GRIP1: variants seen among roughly 807,000 people sequenced by gnomAD.
The protein encoded by GRIP1 is glutamate receptor interacting protein 1, also known as glutamate receptor-interacting protein 1.
A neutral mutation model predicts 129.9 loss-of-function variants in GRIP1; 45 were observed. That is an observed-to-expected ratio of 0.35 (90% confidence interval 0.27 to 0.44). The LOEUF (loss-of-function observed/expected upper bound fraction) is 0.44. Ranked by LOEUF, GRIP1 falls within the 20% of genes least tolerant of loss-of-function variation. The pLI is 1.00. For missense variants in GRIP1, 1,196 were observed against 1,396.8 expected, an observed-to-expected ratio of 0.86 and a Z score of 2.29; for synonymous variants, 530 against 520.8, an observed-to-expected ratio of 1.02 and a Z score of -0.24.
In GRIP1 at chr12:66,370,296, C is replaced by T. The variant is rs574284802; in HGVS notation, c.3012+1398G>A. Among the ~76,000 whole-genome samples, 9 of 152,306 alleles carry T rather than the reference C, an allele frequency of 5.9e-5. No individual in the cohort carries two copies. In the South Asian group the frequency reaches 1.7e-3, roughly 28 times the overall value. On this transcript the variant is annotated intron_variant, in intron 23 of 24. Coordinates refer to ENST00000359742, the MANE Select transcript of GRIP1 (RefSeq NM_001366722.1). ...CCCAGGCAGTCTCCTCATTAGACTC[C>T]GTACTCCCTGGGGAGTTGTAATACG...
chr12:66,589,195 TCTC>T (rs1332959731), intron 2 of GRIP1, among the ~76,000 whole-genome samples: 1 of 5,498 alleles, frequency 1.8e-4, no homozygotes, highest in Admixed American at 1.5e-3. Flanking sequence ...TCCCCCACCT[TCTC>T]TCTCTCTCTC....
chr12:66,579,426 T>C (rs1456624338), intron 2 of GRIP1, among the ~76,000 whole-genome samples: 1 of 151,992 alleles, frequency 6.6e-6, no homozygotes, highest in Non-Finnish European at 1.5e-5. Context: ...CTTTGACAAG[T>C]TGAGAGAAGA....
intron 9 of GRIP1, among the ~76,000 whole-genome samples, chr12:66,456,938 G>A (rs538925045): frequency 2.0e-5 from 3 of 152,022 alleles, no homozygotes; most frequent in South Asian, 2.1e-4. Flanking sequence ...TCTGTATCTC[G>A]ACTAATAAGG....
At chr12:66,862,512 C>G (rs1347505489) in intron 1 of GRIP1, among the ~76,000 whole-genome samples, 2 of 152,098 alleles carry the variant, frequency 1.3e-5, no homozygotes, top group African/African-American at 4.8e-5. Context: ...TTCCTCACTA[C>G]CCATGAATGG....
chr12:67,005,834 A>C lies in GRIP1; in HGVS notation c.58+63216T>G, dbSNP rs1229874161. Among the ~76,000 whole-genome samples, 12 of 152,232 alleles carry C rather than the reference A, an allele frequency of 7.9e-5. 1 individual carries two copies. The South Asian group carries it at 8.3e-4, about 11-fold the overall frequency. Reference sequence around the variant, plus strand: ...TTAGTAAATGGTAAATCAGCATTAAAACAGAACAAGGAAGACCTGAAAGTA... The same window carrying C: ...TTAGTAAATGGTAAATCAGCATTAACACAGAACAAGGAAGACCTGAAAGTA... On this transcript the variant is annotated intron_variant, in intron 1 of 1. Coordinates refer to the GRIP1 transcript ENST00000643019.
At chr12:66,429,178 C>T (rs571829222) in intron 14 of GRIP1, among the ~76,000 whole-genome samples, 1 of 152,238 alleles carries the variant, frequency 6.6e-6, no homozygotes, top group South Asian at 2.1e-4. Flanking sequence ...AAGAGTGAGC[C>T]GTAAAGGCTC....
intron 2 of GRIP1, among the ~76,000 whole-genome samples, chr12:66,562,898 ATGT>A (rs1483695998): frequency 7.0e-6 from 1 of 143,878 alleles, no homozygotes; most frequent in Non-Finnish European, 1.5e-5. Context: ...ATAAAAGAGA[ATGT>A]TGTTAAGAAA....
intron 2 of GRIP1, among the ~76,000 whole-genome samples, chr12:66,548,412 G>A (rs2062014719): frequency 6.6e-6 from 1 of 152,234 alleles, no homozygotes; most frequent in Non-Finnish European, 1.5e-5. Context: ...TTACTGGCCT[G>A]CTTATGTTCA....
intron 7 of GRIP1, among the ~76,000 whole-genome samples, chr12:66,508,125 T>G (rs2060593624): frequency 6.6e-6 from 1 of 152,212 alleles, no homozygotes; most frequent in South Asian, 2.1e-4. Flanking sequence ...GTGTTGTGAT[T>G]GAAAGATCCA....
intron 23 of GRIP1, among the ~76,000 whole-genome samples, chr12:66,368,494 T>C (rs2055281125): frequency 6.6e-6 from 1 of 152,160 alleles, no homozygotes; most frequent in African/African-American, 2.4e-5. Context: ...CCCACTCTGG[T>C]CTTTTCAGCC....
intron 7 of GRIP1, among the ~76,000 whole-genome samples, chr12:66,473,797 A>T (rs954625936): frequency 1.3e-5 from 2 of 152,214 alleles, no homozygotes; most frequent in African/African-American, 4.8e-5. Context: ...CATCAATGAA[A>T]GGACGTCCAC....
intron 1 of GRIP1, among the ~76,000 whole-genome samples, chr12:66,743,477 C>T (rs540182625): frequency 1.9e-4 from 29 of 151,940 alleles, no homozygotes; most frequent in Non-Finnish European, 3.5e-4. Flanking sequence ...CAATTAGATC[C>T]GTGGATCAAG....
At chr12:67,041,394 GGAGA>G (rs763793881) in intron 1 of GRIP1, among the ~76,000 whole-genome samples, 1 of 151,740 alleles carries the variant, frequency 6.6e-6, no homozygotes, top group Non-Finnish European at 1.5e-5. Flanking sequence ...ACATATATAT[GGAGA>G]GAGAGAGAAG....
At chr12:66,826,878 T>C (rs1371447940) in intron 1 of GRIP1, among the ~76,000 whole-genome samples, 3 of 152,114 alleles carry the variant, frequency 2.0e-5, no homozygotes, top group African/African-American at 7.2e-5. Flanking sequence ...GTATATTCTG[T>C]ATGTATGTTT....
At chr12:66,383,450 G>A (rs1162274437) in intron 19 of GRIP1, among the ~76,000 whole-genome samples, 2 of 152,178 alleles carry the variant, frequency 1.3e-5, no homozygotes, top group South Asian at 4.1e-4. Flanking sequence ...GAAGGGAAAA[G>A]TATTCCAGGA....
At chr12:66,478,183 A>C (rs141264024) in intron 7 of GRIP1, among the ~76,000 whole-genome samples, 28,922 of 152,256 alleles carry the variant, frequency 0.19, 2,949 homozygotes, top group Non-Finnish European at 0.22. Flanking sequence ...ATTTACAAGA[A>C]AAAGACAAAC....
At chr12:66,832,891 T>C (rs2039543472) in intron 1 of GRIP1, among the ~76,000 whole-genome samples, 1 of 152,116 alleles carries the variant, frequency 6.6e-6, no homozygotes, top group Non-Finnish European at 1.5e-5. Flanking sequence ...AAAGTTAAAG[T>C]CTCTGACCCA....
intron 22 of GRIP1, chr12:66,372,143 G>A: frequency 1.6e-6 from 1 of 606,796 alleles, no homozygotes; most frequent in Admixed American, 2.8e-5. Context: ...TCCAATTTAA[G>A]TACTTAAGCC....
intron 17 of GRIP1, among the ~76,000 whole-genome samples, chr12:66,393,703 T>C (rs1339192358): frequency 6.6e-6 from 1 of 152,106 alleles, no homozygotes; most frequent in Non-Finnish European, 1.5e-5. Flanking sequence ...TGTACATCAT[T>C]GCCAAAGGAA....
Sources: gnomAD v4.1 joint callset for allele counts (sites outside exome capture counted in the v4.1 genomes callset) on GRCh38, gnomAD v4.1.1 for gene constraint, MANE v1.5 for transcripts, NCBI Gene and HGNC (gene_info 2026-07-23, HGNC 2026-07-21) for gene names.